Variants in TMEM132B observed in about 807,000 individuals in gnomAD.
TMEM132B encodes the protein transmembrane protein 132B.
Under a neutral mutation model 90.8 loss-of-function variants are expected in TMEM132B, and 18 were observed. The ratio of observed to expected loss-of-function variants is 0.20; its 90% CI spans 0.14 to 0.29. TMEM132B has a LOEUF of 0.29. TMEM132B is among the 10% of genes least tolerant of loss of function. TMEM132B has a pLI of 1.00. For synonymous variants in TMEM132B, 504 were observed against 523.3 expected (o/e 0.96, Z 0.50); for missense variants, 1,096 against 1,326.8 (o/e 0.83, Z 2.70).
chr12:125,196,467 G>A (rs900899970), intron 1 of TMEM132B, among the ~76,000 whole-genome samples: 1 of 152,306 alleles, frequency 6.6e-6, no homozygotes, highest in Non-Finnish European at 1.5e-5. Flanking sequence ...CAGCACTTTG[G>A]GAGGCCGAGG....
At chr12:125,522,934 TGA>T (rs1883346444) in intron 4 of TMEM132B, among the ~76,000 whole-genome samples, 1 of 152,170 alleles carries the variant, frequency 6.6e-6, no homozygotes, top group African/African-American at 2.4e-5. Context: ...AACTTGGAGC[TGA>T]GAGGCCATGA....
intron 4 of TMEM132B, among the ~76,000 whole-genome samples, chr12:125,560,755 G>T (rs1284521855): frequency 6.7e-6 from 1 of 148,848 alleles, no homozygotes; most frequent in East Asian, 2.0e-4. Context: ...AACCAGGGAA[G>T]CGGAGCTTGC....
At chr12:125,358,877 G>T (rs1877870293) in intron 2 of TMEM132B, among the ~76,000 whole-genome samples, 1 of 152,138 alleles carries the variant, frequency 6.6e-6, no homozygotes, top group Non-Finnish European at 1.5e-5. Context: ...GGCATCCATT[G>T]ACGATTCTTG....
At chr12:125,239,224 G>A (rs1874009182) in intron 1 of TMEM132B, among the ~76,000 whole-genome samples, 1 of 152,010 alleles carries the variant, frequency 6.6e-6, no homozygotes, top group Non-Finnish European at 1.5e-5. Context: ...AGATTTTGTG[G>A]TGTGGATGAG....
intron 3 of TMEM132B, among the ~76,000 whole-genome samples, chr12:125,428,217 C>T (rs405335): frequency 0.73 from 111,398 of 151,852 alleles, 42,823 homozygotes; most frequent in East Asian, 0.97. Context: ...TGGTCTCGAA[C>T]TGCTGGGTTC....
chr12:125,498,947 AAAT>A lies in TMEM132B; in HGVS notation c.1107-20482_1107-20480del, dbSNP rs983798677. On this transcript the variant is annotated intron_variant, in intron 3 of 8. Coordinates refer to ENST00000682704, the MANE Select transcript of TMEM132B (RefSeq NM_001366854.1). This position sits in a 1 kb window ranked among gnomAD's most constrained non-coding sequence, Gnocchi z 4.5. ...TAAGCTTGGGAATGCTCAGTTAGCAAAATAATAATAATCTCTATAGGATTGTCC... is the reference window on the plus strand; with the variant it reads ...TAAGCTTGGGAATGCTCAGTTAGCAAAATAATAATCTCTATAGGATTGTCC... Among the ~76,000 whole-genome samples the A allele has an allele frequency of 1.3e-5, 2 of 152,240 alleles. No homozygotes were observed. The highest frequency in any genetic ancestry group is 2.9e-5 in the Non-Finnish European group (2 of 68,042).
intron 1 of TMEM132B, among the ~76,000 whole-genome samples, chr12:125,337,708 C>T (rs997453952): frequency 1.7e-4 from 26 of 152,208 alleles, no homozygotes; most frequent in Non-Finnish European, 2.8e-4. Context: ...CATCCATATA[C>T]TCAAATTTCC....
intron 3 of TMEM132B, among the ~76,000 whole-genome samples, chr12:125,457,823 C>A (rs1435580891): frequency 1.3e-5 from 2 of 152,162 alleles, no homozygotes; most frequent in Non-Finnish European, 1.5e-5. Context: ...GTGTACCCGT[C>A]TAGGTGAACA....
chr12:125,371,074 G>A (rs1403102509), intron 2 of TMEM132B, among the ~76,000 whole-genome samples: 1 of 152,158 alleles, frequency 6.6e-6, no homozygotes, highest in Admixed American at 6.5e-5. Flanking sequence ...GTAAGTCCAA[G>A]AGTCCAAAAG....
intron 5 of TMEM132B, among the ~76,000 whole-genome samples, chr12:125,635,447 C>A (rs1016458527): frequency 2.0e-5 from 3 of 152,170 alleles, no homozygotes; most frequent in African/African-American, 7.2e-5. Flanking sequence ...TAGCTTCATC[C>A]ATATCCCTTC....
At chr12:125,522,297 AGC>A (rs1883328186) in intron 4 of TMEM132B, among the ~76,000 whole-genome samples, 2 of 152,230 alleles carry the variant, frequency 1.3e-5, no homozygotes. Flanking sequence ...GTCTAGGTCC[AGC>A]CATAAGAAAG....
chr12:125,379,409 C>A (rs977387708), intron 2 of TMEM132B, among the ~76,000 whole-genome samples: 33 of 152,276 alleles, frequency 2.2e-4, no homozygotes, highest in Middle Eastern at 6.8e-3. Flanking sequence ...AAGGATGCAG[C>A]CAGCTTCTAG....
chr12:125,330,157 C>T (rs1490462609), intron 1 of TMEM132B, among the ~76,000 whole-genome samples: 4 of 152,106 alleles, frequency 2.6e-5, no homozygotes, highest in East Asian at 1.9e-4. Context: ...CATATTCTTC[C>T]GGAGCACAGA....
chr12:125,415,904 G>A lies in TMEM132B; in HGVS notation c.1106+227G>A, dbSNP rs540490812. ...TATCTTTATTATTACTATTGTTATT[G>A]TTTGCAGCGAAGAGTTGAAGAAGGA... is the stretch of plus-strand genomic sequence containing the variant. On this transcript the variant is annotated intron_variant, in intron 3 of 8. Transcript: ENST00000682704. This position sits in a 1 kb window ranked among gnomAD's most constrained non-coding sequence, Gnocchi z 5.3. Among the ~76,000 whole-genome samples, 6 of 152,278 alleles carry A rather than the reference G, an allele frequency of 3.9e-5. No individual in the cohort carries two copies. In the South Asian group the frequency reaches 6.2e-4, roughly 16 times the overall value.
intron 4 of TMEM132B, among the ~76,000 whole-genome samples, chr12:125,555,239 A>G (rs142683814): frequency 1.3e-5 from 2 of 152,216 alleles, no homozygotes; most frequent in East Asian, 3.9e-4. Flanking sequence ...GCATATTGGA[A>G]CCTTGCAAAA....
At chr12:125,649,597 C>T (rs146570263) in intron 6 of TMEM132B, among the ~76,000 whole-genome samples, 298 of 152,208 alleles carry the variant, frequency 2.0e-3, no homozygotes, top group Middle Eastern at 6.8e-3. Flanking sequence ...GCTGCGTGGG[C>T]GATGGATGTC....
Position 125,283,102 on chromosome 12 carries a change from A to C in TMEM132B, c.68-66350A>C, listed in dbSNP as rs1223924769. Among the ~76,000 whole-genome samples, 4 of 152,172 alleles carry C rather than the reference A, an allele frequency of 2.6e-5. No homozygotes were observed. In the East Asian group the frequency reaches 7.7e-4, roughly 29 times the overall value. On this transcript the variant is annotated intron_variant, in intron 1 of 8. Transcript: ENST00000682704. ...GCTGTGTTCGCGCACAACTGTATGC[A>C]ATTTCAATTTGATTAGCTTTAACAT...
intron 3 of TMEM132B, among the ~76,000 whole-genome samples, chr12:125,493,887 C>T (rs1278062626): frequency 6.7e-6 from 1 of 148,652 alleles, no homozygotes; most frequent in Non-Finnish European, 1.5e-5. Flanking sequence ...CCTCCCCCTC[C>T]TCCCTGGAAA....
At chr12:125,331,364 G>A (rs1161778805) in intron 1 of TMEM132B, among the ~76,000 whole-genome samples, 1 of 152,232 alleles carries the variant, frequency 6.6e-6, no homozygotes, top group Admixed American at 6.5e-5. Flanking sequence ...TGCTGTTAAG[G>A]GTTTTTACCC....
Sources: allele counts gnomAD v4.1 joint callset (sites outside exome capture counted in the v4.1 genomes callset), GRCh38; gene constraint gnomAD v4.1.1; non-coding constraint Gnocchi (gnomAD v3.1); transcripts MANE v1.5; gene names NCBI Gene and HGNC (gene_info 2026-07-23, HGNC 2026-07-21).